PPEF1: variants seen among roughly 807,000 people sequenced by gnomAD.
The protein encoded by PPEF1 is protein phosphatase with EF-hand domain 1.
PPEF1 carries 12 observed loss-of-function variants against 53.3 expected under a neutral mutation model. The observed-to-expected ratio is 0.23, with a 90% confidence interval of 0.14 to 0.36. The LOEUF is 0.36. Among genes scored for constraint, PPEF1 ranks in the 10% least tolerant of loss-of-function variants. PPEF1 has a pLI of 1.00. For missense variants in PPEF1, 334 were observed against 490.4 expected, an observed-to-expected ratio of 0.68 and a Z score of 3.01; for synonymous variants, 165 against 176.7, an observed-to-expected ratio of 0.93 and a Z score of 0.52.
intron 9 of PPEF1, among the ~76,000 whole-genome samples, chrX:18,787,587 A>C (rs1223263432): frequency 9.1e-6 from 1 of 110,028 alleles, no homozygotes; most frequent in African/African-American, 3.3e-5. Context: ...ACACATACTT[A>C]AGAGACCATG....
intron 7 of PPEF1, among the ~76,000 whole-genome samples, chrX:18,780,102 G>A (rs771878832): frequency 9.8e-4 from 110 of 112,044 alleles, no homozygotes; most frequent in African/African-American, 3.3e-3. Flanking sequence ...ATTGCCTATC[G>A]TATTTATCTA....
chrX:18,774,999 A>C (rs887961900), intron 6 of PPEF1, among the ~76,000 whole-genome samples: 4 of 110,141 alleles, frequency 3.6e-5, no homozygotes. Flanking sequence ...TTGCCTCTTC[A>C]TCTGTTCCTT....
chrX:18,797,798 C>G (rs1052648922), intron 10 of PPEF1, among the ~76,000 whole-genome samples: 4 of 111,397 alleles, frequency 3.6e-5, no homozygotes, highest in African/African-American at 1.3e-4. Context: ...GCCTCCCGGG[C>G]TCACACCATT....
chrX:18,719,490 G>A (rs371287932), intron 1 of PPEF1, among the ~76,000 whole-genome samples: 4 of 110,249 alleles, frequency 3.6e-5, no homozygotes, highest in Non-Finnish European at 5.7e-5. Flanking sequence ...GGGACTACAG[G>A]TGTGTGCCAC....
intron 8 of PPEF1, among the ~76,000 whole-genome samples, 173 bp from the exon 9 acceptor site, chrX:18,783,721 AAAAAC>A (rs2046142660): frequency 1.8e-5 from 2 of 110,677 alleles, no homozygotes; most frequent in East Asian, 2.8e-4. Context: ...ATCTCAAAAA[AAAAAC>A]AAAAACAAAA....
At chrX:18,803,135 T>G (rs978415445) in intron 10 of PPEF1, among the ~76,000 whole-genome samples, 1 of 112,064 alleles carries the variant, frequency 8.9e-6, no homozygotes, top group Non-Finnish European at 1.9e-5. Context: ...TCATTAGCAT[T>G]GTTTCTATAG....
At chrX:18,827,205 T>TGG (rs2047186754) in intron 15 of PPEF1, 71 bp from the exon 16 acceptor site, 1 of 911,652 alleles carries the variant, frequency 1.1e-6, no homozygotes, top group Non-Finnish European at 1.6e-6. Flanking sequence ...TTAATCAGTG[T>TGG]GGGTTCCCCA....
intron 10 of PPEF1, among the ~76,000 whole-genome samples, chrX:18,793,237 AAT>A: frequency 9.0e-6 from 1 of 110,563 alleles, no homozygotes; most frequent in South Asian, 3.8e-4. Context: ...CCTTAAAAAA[AAT>A]AGTTTTGCTA....
In PPEF1 at chrX:18,761,563, T is replaced by C; in HGVS notation, c.545T>C (p.Leu182Ser). ...DLHGKLDDLF[L>S]IFYKNGLPSE... ...CATGGGAAACTGGATGATCTTTTTTTGATCTTCTACAAGGTAAATGATGAT... is the reference window on the plus strand; with the variant it reads ...CATGGGAAACTGGATGATCTTTTTTCGATCTTCTACAAGGTAAATGATGAT... The change falls in exon 6 of 16, where the codon TTG (leucine) becomes TCG (serine). Residue 182 changes from leucine (L) to serine (S), a missense_variant. By Grantham distance (145) the Leu-to-Ser change is moderately radical. Coordinates refer to ENST00000470157, the MANE Select transcript of PPEF1 (RefSeq NM_001377996.1). The C allele has an allele frequency of 8.3e-7, 1 of 1,207,777 alleles. No homozygotes were observed. The highest frequency in any genetic ancestry group is 3.0e-5 in the East Asian group (1 of 33,844).
At chrX:18,700,243 GTGTGTGTGTGT>G (rs1929993673) in intron 5 of PPEF1, 3 of 38,181 alleles carry the variant, frequency 7.9e-5, no homozygotes, top group Non-Finnish European at 2.0e-4. Context: ...AGAGTGGGGT[GTGTGTGTGTGT>G]GTGTGTGTGT....
At chrX:18,731,453 T>C (rs2044836958) in intron 2 of PPEF1, among the ~76,000 whole-genome samples, 1 of 112,698 alleles carries the variant, frequency 8.9e-6, no homozygotes, top group African/African-American at 3.2e-5. Flanking sequence ...TTCAGTCAGA[T>C]GCTCCCTTTG....
At chrX:18,686,089 G>C (rs1929066937) in intron 2 of PPEF1, 1 of 112,318 alleles carries the variant, frequency 8.9e-6, no homozygotes, top group African/African-American at 3.2e-5. Context: ...AAGTTCCCCT[G>C]TAGGCATGTA....
At position 18,782,413 on chromosome X, in the gene PPEF1, C is replaced by CTTT; in HGVS notation, c.762+25_762+27dup. The CTTT allele has an allele frequency of 1.1e-5, 10 of 939,412 alleles. No individual in the cohort carries two copies. Among genetic ancestry groups the CTTT allele is most frequent in the Middle Eastern group, 3.1e-4 (1 of 3,188 alleles). The allele number at this position is 939,412 out of a possible 1,213,427, so 77.4% of individuals were successfully genotyped here. On this transcript the variant is annotated intron_variant, in intron 8 of 15. Coordinates refer to ENST00000470157, the MANE Select transcript of PPEF1 (RefSeq NM_001377996.1). ...TTGCATAAATATAAGGTAAGACATG[C>CTTT]TTTTTTTTTTTTTTTTAGTATTCAC...
At chrX:18,714,068 G>C (rs923506122) in intron 1 of PPEF1, among the ~76,000 whole-genome samples, 8 of 110,465 alleles carry the variant, frequency 7.2e-5, no homozygotes, top group Non-Finnish European at 1.5e-4. Context: ...TCGTGTCAAG[G>C]GCTATAAATA....
intron 3 of PPEF1, among the ~76,000 whole-genome samples, chrX:18,689,737 C>T (rs187579245): frequency 1.8e-5 from 2 of 109,995 alleles, no homozygotes; most frequent in East Asian, 2.9e-4. Flanking sequence ...TAGAGTTTTA[C>T]GCAAATGAGT....
intron 6 of PPEF1, among the ~76,000 whole-genome samples, chrX:18,771,028 C>T (rs2045861770): frequency 8.9e-6 from 1 of 112,275 alleles, no homozygotes; most frequent in South Asian, 3.7e-4. Context: ...GTTTAAGTCA[C>T]ATTAAAACTA....
At position 18,818,163 on chromosome X, in the gene PPEF1, C is replaced by T; in HGVS notation, c.1501+18C>T. ...AAAATCAGGTAACAAATTTGCATAA[C>T]ATTTACCATTTCTTAACACACCAAG... On this transcript the variant is annotated intron_variant, in intron 13 of 15. Transcript: ENST00000470157. The T allele has an allele frequency of 1.9e-6, 2 of 1,078,202 alleles. No individual in the cohort carries two copies. The highest frequency in any genetic ancestry group is 2.6e-6 in the Non-Finnish European group (2 of 779,365). The allele number at this position is 1,078,202 out of a possible 1,213,427, so 88.9% of individuals were successfully genotyped here. A position where few individuals can be genotyped will look rare whatever the true frequency, so the allele number is the denominator to read the frequency against.
At chrX:18,728,854 A>G (rs2044769812) in intron 1 of PPEF1, among the ~76,000 whole-genome samples, 1 of 111,958 alleles carries the variant, frequency 8.9e-6, no homozygotes, top group Admixed American at 9.5e-5. Flanking sequence ...CGTTCCTGTT[A>G]TAGTCAACTC....
intron 5 of PPEF1, among the ~76,000 whole-genome samples, chrX:18,698,802 A>G (rs1929881252): frequency 9.0e-6 from 1 of 111,634 alleles, no homozygotes; most frequent in South Asian, 3.8e-4. Flanking sequence ...AAACACACAC[A>G]CAACTGGGGA....
Sources: allele counts gnomAD v4.1 joint callset (sites outside exome capture counted in the v4.1 genomes callset), GRCh38; gene constraint gnomAD v4.1.1; transcripts MANE v1.5; gene names NCBI Gene and HGNC (gene_info 2026-07-23, HGNC 2026-07-21).